Variants in MYOZ3 observed in about 807,000 individuals in gnomAD.
MYOZ3 encodes the protein myozenin-3.
A neutral mutation model predicts 26.5 loss-of-function variants in MYOZ3; 19 were observed. That is an observed-to-expected ratio of 0.72 (90% CI 0.50 to 1.05). The LOEUF is 1.05. Ranked by LOEUF, MYOZ3 falls within the 50% of genes least tolerant of loss-of-function variation. The pLI is 0.00. For synonymous variants in MYOZ3, 135 were observed against 138.8 expected (o/e 0.97, Z 0.19); for missense variants, 322 against 337.1 (o/e 0.96, Z 0.35).
rs1194447948 is a variant in MYOZ3, at chr5:150,677,017, A to G, written c.*142A>G. 1.3e-6 allele frequency: 1 copy of G among 764,702 alleles called. No individual in the cohort carries two copies. The highest frequency in any genetic ancestry group is 2.1e-6 in the Non-Finnish European group (1 of 484,048). The allele number at this position is 764,702 out of a possible 1,614,324, so 47.4% of individuals were successfully genotyped here. On this transcript the variant is annotated 3_prime_UTR_variant, in exon 7 of 7. Transcript: ENST00000517768. ...AATGGCTTCAGAGGTCACCAAGTTCAGTCGTCCCAAAACATGGGTGTGTTT... is the reference window on the plus strand; with the variant it reads ...AATGGCTTCAGAGGTCACCAAGTTCGGTCGTCCCAAAACATGGGTGTGTTT...
intron 2 of MYOZ3, chr5:150,670,160 TATCGAGA>T (rs2151447102): frequency 5.2e-6 from 1 of 192,424 alleles, no homozygotes; most frequent in African/African-American, 2.3e-5. Flanking sequence ...CTTTAAAAAA[TATCGAGA>T]ATCTGACCAT....
intron 6 of MYOZ3, 41 bp downstream of exon 6, chr5:150,672,543 G>A (rs771361063): frequency 1.3e-6 from 2 of 1,523,606 alleles, no homozygotes; most frequent in East Asian, 2.3e-5. Flanking sequence ...ACCGGGAGGG[G>A]CGGGAAGCCA....
At chr5:150,662,862 G>A in intron 1 of MYOZ3, 79 bp from the exon 2 acceptor site, 1 of 1,310,250 alleles carries the variant, frequency 7.6e-7, no homozygotes, top group Non-Finnish European at 1.1e-6. Context: ...GACTGGGGCA[G>A]GGTGAACCAG....
intron 2 of MYOZ3, among the ~76,000 whole-genome samples, chr5:150,666,630 A>ATATATATAT (rs759319162): frequency 1.6e-5 from 2 of 123,066 alleles, no homozygotes; most frequent in East Asian, 2.2e-4. Flanking sequence ...AAAAAAAAAA[A>ATATATATAT]ATATATATAT....
upstream of MYOZ3, chr5:150,661,157 G>A (rs192491661): frequency 2.0e-4 from 31 of 152,562 alleles, no homozygotes; most frequent in African/African-American, 7.0e-4. Flanking sequence ...CCTGTTGCCA[G>A]GGCACCTGTC....
chr5:150,670,093 A>C (rs10064957), intron 2 of MYOZ3: 25,436 of 157,610 alleles, frequency 0.16, 4,091 homozygotes, highest in African/African-American at 0.42. Flanking sequence ...TCCAGTGGCT[A>C]AGGCCAGAAA....
chr5:150,671,743 C>G lies in MYOZ3; in HGVS notation c.271-12C>G. On this transcript the variant is annotated splice_polypyrimidine_tract_variant and intron_variant, in intron 4 of 6. Coordinates refer to ENST00000517768, the MANE Select transcript of MYOZ3 (RefSeq NM_001122853.3). ...TCGTCGGTGGCCTCTGAGAACCCGC[C>G]CCTGTGCCCAGGTTGCCAATGCCAA... 1 of 1,613,272 alleles carries G rather than the reference C, an allele frequency of 6.2e-7. No homozygotes were observed. The highest frequency in any genetic ancestry group is 8.5e-7 in the Non-Finnish European group (1 of 1,179,928).
At chr5:150,667,842 A>G (rs1014536658) in intron 2 of MYOZ3, among the ~76,000 whole-genome samples, 2 of 152,176 alleles carry the variant, frequency 1.3e-5, no homozygotes, top group African/African-American at 4.8e-5. Context: ...TAATACCAAA[A>G]AGCATGTCAT....
intron 3 of MYOZ3, chr5:150,671,323 C>T (rs1404136676): frequency 1.9e-6 from 1 of 515,828 alleles, no homozygotes; most frequent in East Asian, 3.5e-5. Context: ...ATCTTCATCA[C>T]CATCATCCTC....
intron 1 of MYOZ3, among the ~76,000 whole-genome samples, chr5:150,662,698 G>A (rs1758752817): frequency 6.6e-6 from 1 of 152,198 alleles, no homozygotes; most frequent in Admixed American, 6.5e-5. Context: ...TGAAGAGACA[G>A]TGCTTCCCTA....
At chr5:150,666,692 A>G (rs1434861310) in intron 2 of MYOZ3, among the ~76,000 whole-genome samples, 1 of 149,220 alleles carries the variant, frequency 6.7e-6, no homozygotes, top group Non-Finnish European at 1.5e-5. Context: ...TATATAATAT[A>G]AATGGGATCT....
At chr5:150,667,877 G>A (rs1758833829) in intron 2 of MYOZ3, among the ~76,000 whole-genome samples, 1 of 152,160 alleles carries the variant, frequency 6.6e-6, no homozygotes, top group Non-Finnish European at 1.5e-5. Context: ...TCTTCAGAAT[G>A]CATCAAAATA....
Position 150,678,252 on chromosome 5 carries a change from C to T in MYOZ3, c.*1377C>T, listed in dbSNP as rs1165707993. On this transcript the variant is annotated 3_prime_UTR_variant, in exon 7 of 7. Coordinates refer to ENST00000517768, the MANE Select transcript of MYOZ3 (RefSeq NM_001122853.3). ...TTATTAAGATTCCTTCTTTCCACTC[C>T]ATTTTGAGCAGGCTGCTTAAAGTGG... 1 of 152,212 alleles carries T rather than the reference C, an allele frequency of 6.6e-6. No homozygotes were observed. The highest frequency in any genetic ancestry group is 1.5e-5 in the Non-Finnish European group (1 of 68,050). 9.4% of individuals were successfully genotyped at this position (152,212 alleles called of 1,614,324 possible).
In MYOZ3 at chr5:150,662,994, C is replaced by T. The variant is rs1581530528; in HGVS notation, c.53C>T (p.Thr18Ile). The T allele has an allele frequency of 3.1e-6, 5 of 1,611,124 alleles. No individual in the cohort carries two copies. The highest frequency in any genetic ancestry group is 4.2e-6 in the Non-Finnish European group (5 of 1,178,630). ...GPVMAAMGDL[T>I]EPVPTLDLGK... ...GTGATGGCTGCCATGGGGGACCTCA[C>T]TGAACCAGGTAAGGTGGTTCTAGCC... The change falls in exon 2 of 7, where the codon ACT (threonine) becomes ATT (isoleucine). Residue 18 changes from threonine (T) to isoleucine (I), a missense_variant. Coordinates refer to ENST00000517768, the MANE Select transcript of MYOZ3 (RefSeq NM_001122853.3).
rs544765010 is a variant in MYOZ3, at chr5:150,677,154, G to A, written c.*279G>A. ...TGTATTATTAATAGCAACCAGGGCC[G>A]GGTGTCGTGGCTCACGCCTGTCATC... On this transcript the variant is annotated 3_prime_UTR_variant, in exon 7 of 7. Transcript: ENST00000517768. 21 of 280,854 alleles carry A rather than the reference G, an allele frequency of 7.5e-5. No individual in the cohort carries two copies. Among genetic ancestry groups the A allele is most frequent in the Non-Finnish European group, 1.3e-4 (19 of 148,982 alleles). The allele number at this position is 280,854 out of a possible 1,614,324, so 17.4% of individuals were successfully genotyped here.
rs1758919329 is a variant in MYOZ3 at position 150,671,837 on chromosome 5, G to A, written c.353G>A (p.Gly118Glu). ...CCGGCCTCACCCGGGGCCTCACTCG[G>A]GGGTCCCGAGGGCGCCCACCCTGCA... ...IFPASPGASL[G>E]GPEGAHPAAA... Residue 118 changes from glycine (G) to glutamate (E), a missense_variant, in exon 5 of 7, where the codon GGG (glycine) becomes GAG (glutamate). By Grantham distance (98) the Gly-to-Glu change is moderately conservative (BLOSUM62 -2). Coordinates refer to ENST00000517768, the MANE Select transcript of MYOZ3 (RefSeq NM_001122853.3). 1 of 1,608,590 alleles carries A rather than the reference G, an allele frequency of 6.2e-7. No homozygotes were observed. Among genetic ancestry groups the A allele is most frequent in the Non-Finnish European group, 8.5e-7 (1 of 1,178,770 alleles).
In MYOZ3 at chr5:150,677,948, G is replaced by C. The variant is rs1759044283; in HGVS notation, c.*1073G>C. The C allele has an allele frequency of 6.6e-6, 1 of 152,352 alleles. No homozygotes were observed. Among genetic ancestry groups the C allele is most frequent in the Admixed American group, 6.5e-5 (1 of 15,268 alleles). 9.4% of individuals were successfully genotyped at this position (152,352 alleles called of 1,614,324 possible). On this transcript the variant is annotated 3_prime_UTR_variant, in exon 7 of 7. Transcript: ENST00000517768. ...AGGGGGAGGGTATTTCTGGAAAGTG[G>C]ACCAGCATGTGCAAAAATATGGAAC...
At chr5:150,673,755 A>G (rs1409664264) in intron 6 of MYOZ3, among the ~76,000 whole-genome samples, 1 of 152,194 alleles carries the variant, frequency 6.6e-6, no homozygotes, top group Non-Finnish European at 1.5e-5. Flanking sequence ...TCAAGACAGG[A>G]GCTTGGCACT....
intron 2 of MYOZ3, among the ~76,000 whole-genome samples, chr5:150,664,312 C>T (rs144302529): frequency 2.4e-4 from 37 of 152,232 alleles, no homozygotes; most frequent in South Asian, 1.0e-3. Context: ...TGGGTACTGA[C>T]GCTCTAACTA....
Sources: allele counts gnomAD v4.1 joint callset (sites outside exome capture counted in the v4.1 genomes callset), GRCh38; gene constraint gnomAD v4.1.1; transcripts MANE v1.5; gene names NCBI Gene and HGNC (gene_info 2026-07-23, HGNC 2026-07-21).